The following ARSB variants were observed in gnomAD, a reference collection of about 807,000 sequenced individuals.
ARSB encodes the protein arylsulfatase B, also known as N-acetylgalactosamine-4-sulfatase.
A neutral mutation model predicts 50.9 loss-of-function variants in ARSB; 41 were observed. That is an observed-to-expected ratio of 0.81 (90% CI 0.63 to 1.04). The LOEUF is 1.04. ARSB is among the 50% of genes least tolerant of loss of function. ARSB has a pLI of 0.00. For missense variants in ARSB, 672 were observed against 693.3 expected, an observed-to-expected ratio of 0.97 and a Z score of 0.35; for synonymous variants, 269 against 284.8, an observed-to-expected ratio of 0.94 and a Z score of 0.56.
At chr5:78,786,734 C>A (rs1749089648) in intron 6 of ARSB, among the ~76,000 whole-genome samples, 1 of 152,196 alleles carries the variant, frequency 6.6e-6, no homozygotes, top group African/African-American at 2.4e-5. Flanking sequence ...ATCCTCTCAC[C>A]TTAGCCTCCA....
intron 6 of ARSB, among the ~76,000 whole-genome samples, chr5:78,788,701 A>G (rs548346131): frequency 9.8e-5 from 15 of 152,338 alleles, no homozygotes; most frequent in African/African-American, 2.9e-4. Context: ...TCTTGGCTCA[A>G]ATGATCCTCC....
chr5:78,793,916 C>A (rs1561427287), intron 6 of ARSB, among the ~76,000 whole-genome samples: 3 of 151,750 alleles, frequency 2.0e-5, no homozygotes. Context: ...GGCGATGAGG[C>A]AAGTATGCGT....
rs1748884429 is a variant in ARSB at position 78,780,212 on chromosome 5, G to A, written c.*185C>T. On this transcript the variant is annotated 3_prime_UTR_variant, in exon 8 of 8. Transcript: ENST00000264914. ...TAGACACATGCTCCAGCCAACAGCA[G>A]GAGTGTTGCAGATTTTATCAGCTTC... 1 of 741,502 alleles carries A rather than the reference G, an allele frequency of 1.3e-6. No individual in the cohort carries two copies. The highest frequency in any genetic ancestry group is 2.2e-6 in the Non-Finnish European group (1 of 450,824). 45.9% of individuals were successfully genotyped at this position (741,502 alleles called of 1,614,324 possible).
chr5:78,930,165 G>A (rs1303695187), intron 4 of ARSB, among the ~76,000 whole-genome samples: 9 of 152,172 alleles, frequency 5.9e-5, no homozygotes, highest in Non-Finnish European at 1.3e-4. Context: ...ACCAAAGTGG[G>A]AGTTTAAAAT....
At chr5:78,914,770 G>A (rs560229695) in intron 4 of ARSB, among the ~76,000 whole-genome samples, 9 of 152,260 alleles carry the variant, frequency 5.9e-5, no homozygotes, top group African/African-American at 1.4e-4. Context: ...AGGTTCAAGC[G>A]ATTCTCCTGC....
intron 4 of ARSB, among the ~76,000 whole-genome samples, chr5:78,911,277 C>T (rs1384118719): frequency 6.6e-6 from 1 of 152,024 alleles, no homozygotes; most frequent in Non-Finnish European, 1.5e-5. Flanking sequence ...GGGTCTAGAC[C>T]TGATACCAGT....
chr5:78,978,118 C>A (rs1025868524), intron 1 of ARSB, among the ~76,000 whole-genome samples: 5 of 152,160 alleles, frequency 3.3e-5, no homozygotes, highest in Non-Finnish European at 5.9e-5. Context: ...GCAGGTGGAT[C>A]ATTTGAGGTC....
intron 5 of ARSB, among the ~76,000 whole-genome samples, chr5:78,871,827 A>T (rs1221239028): frequency 7.6e-6 from 1 of 131,356 alleles, no homozygotes; most frequent in Admixed American, 8.7e-5. Context: ...GGATCTAATT[A>T]AACTAAAGAG....
At chr5:78,858,240 T>C (rs1199375130) in intron 5 of ARSB, among the ~76,000 whole-genome samples, 1 of 152,238 alleles carries the variant, frequency 6.6e-6, no homozygotes, top group Non-Finnish European at 1.5e-5. Context: ...CAAATGCTTC[T>C]ATTAATAAAA....
At chr5:78,853,743 C>A (rs1361575631) in intron 5 of ARSB, among the ~76,000 whole-genome samples, 1 of 152,248 alleles carries the variant, frequency 6.6e-6, no homozygotes, top group Admixed American at 6.5e-5. Flanking sequence ...CTTTGTTTAC[C>A]TAAGCAAGCC....
chr5:78,941,524 C>T (rs1387441279), intron 4 of ARSB, among the ~76,000 whole-genome samples: 2 of 152,210 alleles, frequency 1.3e-5, no homozygotes, highest in Non-Finnish European at 2.9e-5. Context: ...GCCTTTTCTG[C>T]ATCTATTGAG....
At chr5:78,804,515 AG>A (rs1212448574) in intron 6 of ARSB, among the ~76,000 whole-genome samples, 1 of 152,250 alleles carries the variant, frequency 6.6e-6, no homozygotes, top group African/African-American at 2.4e-5. Context: ...CTTATCAAGC[AG>A]GGTGAAAACA....
At chr5:78,885,880 T>G in intron 4 of ARSB, 53 bp from the exon 5 acceptor site, 1 of 1,613,490 alleles carries the variant, frequency 6.2e-7, no homozygotes, top group Admixed American at 1.7e-5. Flanking sequence ...TTAAATACAT[T>G]TAAGAACAGA....
intron 5 of ARSB, among the ~76,000 whole-genome samples, chr5:78,877,629 T>C (rs1171910790): frequency 1.3e-5 from 2 of 152,132 alleles, no homozygotes; most frequent in African/African-American, 2.4e-5. Context: ...CCTCAGGTGA[T>C]CCACCCGCCT....
intron 4 of ARSB, among the ~76,000 whole-genome samples, chr5:78,907,469 CA>C (rs1749115771): frequency 6.6e-6 from 1 of 152,146 alleles, no homozygotes; most frequent in Non-Finnish European, 1.5e-5. Flanking sequence ...TTACCACATA[CA>C]AAACTCTCAG....
chr5:78,969,940 A>T (rs112634811), intron 1 of ARSB, among the ~76,000 whole-genome samples: 77 of 152,290 alleles, frequency 5.1e-4, no homozygotes, highest in African/African-American at 1.0e-3. Context: ...CAGTATAATA[A>T]AACGATTATT....
intron 3 of ARSB, among the ~76,000 whole-genome samples, chr5:78,958,058 C>G (rs944322244): frequency 3.3e-5 from 5 of 152,140 alleles, no homozygotes; most frequent in Non-Finnish European, 5.9e-5. Context: ...TGTCCACACT[C>G]CATCTGGTAA....
At chr5:78,808,725 CA>C (rs1203850630) in intron 6 of ARSB, among the ~76,000 whole-genome samples, 5 of 152,218 alleles carry the variant, frequency 3.3e-5, no homozygotes, top group Non-Finnish European at 1.5e-5. Flanking sequence ...TTGAAGGCCA[CA>C]AGGGACCCAT....
At chr5:78,905,030 G>T (rs55658241) in intron 4 of ARSB, among the ~76,000 whole-genome samples, 1 of 151,974 alleles carries the variant, frequency 6.6e-6, no homozygotes, top group South Asian at 2.1e-4. Flanking sequence ...GAAGTTCACC[G>T]ACTCTTCTTT....
Sources: gnomAD v4.1 joint callset for allele counts (sites outside exome capture counted in the v4.1 genomes callset) on GRCh38, gnomAD v4.1.1 for gene constraint, MANE v1.5 for transcripts, NCBI Gene and HGNC (gene_info 2026-07-23, HGNC 2026-07-21) for gene names.